LCK: variants seen among roughly 807,000 people sequenced by gnomAD.
The protein encoded by LCK is tyrosine-protein kinase Lck.
LCK carries 14 observed loss-of-function variants against 64.6 expected under a neutral mutation model. The observed-to-expected ratio is 0.22, with a 90% confidence interval of 0.14 to 0.34. The LOEUF is 0.34. LCK is among the 10% of genes least tolerant of loss of function. The probability of loss-of-function intolerance (pLI) is 1.00; values close to 1 mark genes in which losing one functional copy is unlikely to be tolerated. For synonymous variants in LCK, 277 were observed against 263.6 expected, an observed-to-expected ratio of 1.05 and a Z score of -0.49; for missense variants, 434 against 668.1, an observed-to-expected ratio of 0.65 and a Z score of 3.86.
In LCK at chr1:32,275,548, G is replaced by T. The variant is rs1240902062; in HGVS notation, c.378-21G>T. 2 of 1,561,004 alleles carry T rather than the reference G, an allele frequency of 1.3e-6. No individual in the cohort carries two copies. Among genetic ancestry groups the T allele is most frequent in the East Asian group, 2.4e-5 (1 of 41,886 alleles). ...GATCCGACGACAGCCGACGGCCTTC[G>T]TTCGCTTCCGCCCTGCACAGCTGGT... On this transcript the variant is annotated intron_variant, in intron 5 of 12. Transcript: ENST00000336890. This position sits in a 1 kb window ranked among gnomAD's most constrained non-coding sequence, Gnocchi z 6.9.
chr1:32,278,833 A>G (rs1430225706), intron 9 of LCK, among the ~76,000 whole-genome samples: 1 of 152,132 alleles, frequency 6.6e-6, no homozygotes, highest in South Asian at 2.1e-4. Context: ...TCAGCACTCA[A>G]AGTGGGGACA....
At chr1:32,284,779 C>T (rs888732311) in intron 12 of LCK, among the ~76,000 whole-genome samples, 28 of 152,170 alleles carry the variant, frequency 1.8e-4, no homozygotes, top group South Asian at 1.4e-3. Context: ...AAACTGGGCT[C>T]GCCCAAGGTT....
At chr1:32,256,875 G>A (rs568714579) in intron 1 of LCK, among the ~76,000 whole-genome samples, 11 of 152,128 alleles carry the variant, frequency 7.2e-5, no homozygotes, top group Non-Finnish European at 1.3e-4. Flanking sequence ...TTTAGTGTGC[G>A]CTGTTGTTTC....
intron 1 of LCK, among the ~76,000 whole-genome samples, chr1:32,261,309 G>A (rs902745413): frequency 5.5e-5 from 8 of 146,554 alleles, no homozygotes; most frequent in East Asian, 4.0e-4. Flanking sequence ...GTGCAGTGGC[G>A]TGATGTCCAC....
chr1:32,268,151 G>A (rs923993764), intron 1 of LCK, among the ~76,000 whole-genome samples: 7 of 148,616 alleles, frequency 4.7e-5, no homozygotes, highest in African/African-American at 7.5e-5. Context: ...CTGAGATCGC[G>A]CCACTGCACT....
chr1:32,279,466 C>A, intron 9 of LCK: 1 of 812,090 alleles, frequency 1.2e-6, no homozygotes, highest in Non-Finnish European at 1.9e-6. Context: ...CAGATCCCTC[C>A]CAGCATGCTC....
At chr1:32,271,635 G>T (rs1387153230) in intron 1 of LCK, among the ~76,000 whole-genome samples, 2 of 152,220 alleles carry the variant, frequency 1.3e-5, no homozygotes, top group Non-Finnish European at 2.9e-5. Context: ...TTGCACTGCA[G>T]TCTGGGCAAG....
chr1:32,284,079 T>A (rs1254523782), intron 12 of LCK, among the ~76,000 whole-genome samples: 1 of 151,604 alleles, frequency 6.6e-6, no homozygotes. Context: ...GACAGGTTTT[T>A]ACTATGTTGA....
At chr1:32,283,086 G>A (rs1431056142) in intron 12 of LCK, among the ~76,000 whole-genome samples, 2 of 151,484 alleles carry the variant, frequency 1.3e-5, no homozygotes, top group Admixed American at 6.6e-5. Flanking sequence ...GTCAGGAGGT[G>A]GAGACCAGCC....
At chr1:32,254,335 A>C (rs577622001) in intron 1 of LCK, among the ~76,000 whole-genome samples, 1 of 152,250 alleles carries the variant, frequency 6.6e-6, no homozygotes, top group African/African-American at 2.4e-5. Context: ...CCTGGCCATC[A>C]TGGTGAATCC....
At chr1:32,263,260 T>G (rs1239629924) in intron 1 of LCK, among the ~76,000 whole-genome samples, 1 of 151,368 alleles carries the variant, frequency 6.6e-6, no homozygotes, top group Non-Finnish European at 1.5e-5. Flanking sequence ...GGCATGGTGG[T>G]GCATGCCTGT....
chr1:32,275,734 G>A lies in LCK; in HGVS notation c.481+62G>A. 2 of 1,452,070 alleles carry A rather than the reference G, an allele frequency of 1.4e-6. No homozygotes were observed. The highest frequency in any genetic ancestry group is 1.2e-5 in the South Asian group (1 of 81,638). 89.9% of individuals were successfully genotyped at this position (1,452,070 alleles called of 1,614,324 possible). ...CCCCGGGGTGTGCCCGAGGGGGGGC[G>A]CAGGGTGAGCCCGAGGTGGAGACAC... On this transcript the variant is annotated intron_variant, in intron 6 of 12. Transcript: ENST00000336890. The surrounding 1 kb of genome is among the most constrained non-coding windows in gnomAD (Gnocchi z 6.9).
chr1:32,279,951 C>T lies in LCK; in HGVS notation c.1152C>T (p.Gly384=), dbSNP rs749536998. 1.2e-6 allele frequency: 2 copies of T among 1,614,146 alleles called. No individual in the cohort carries two copies. Among genetic ancestry groups the T allele is most frequent in the South Asian group, 2.2e-5 (2 of 91,078 alleles). Residue 384 remains glycine (G), a synonymous_variant, in exon 11 of 13, where the codon GGC becomes GGT. Coordinates refer to ENST00000336890, the MANE Select transcript of LCK (RefSeq NM_005356.5). ...TGAGCTGCAAGATTGCAGACTTTGG[C>T]CTAGCACGCCTCATTGAGGACAACG... ...DTLSCKIADF[G]LARLIEDNEY...
At position 32,275,899 on chromosome 1, in the gene LCK, C is replaced by T; in HGVS notation, c.482-15C>T. On this transcript the variant is annotated splice_polypyrimidine_tract_variant and intron_variant, in intron 6 of 12. Transcript: ENST00000336890. This position sits in a 1 kb window ranked among gnomAD's most constrained non-coding sequence, Gnocchi z 6.9. ...GCGTTCTTTCGTCGCTTTGTCCATC[C>T]ATTCATTCATTCAGGATCGTTTTCA... The T allele has an allele frequency of 6.2e-7, 1 of 1,613,764 alleles. No homozygotes were observed. Among genetic ancestry groups the T allele is most frequent in the Non-Finnish European group, 8.5e-7 (1 of 1,179,734 alleles).
rs1640201382 is a variant in LCK, at chr1:32,274,724, C to T, written c.106-13C>T. The T allele has an allele frequency of 6.4e-7, 1 of 1,562,400 alleles. No homozygotes were observed. The highest frequency in any genetic ancestry group is 1.8e-5 in the Admixed American group (1 of 55,780). ...TCTGCTTTCTGACCCCACCCTCATC[C>T]CCCACTCCACAGCTGCTCATCCGAA... On this transcript the variant is annotated splice_polypyrimidine_tract_variant and intron_variant, in intron 2 of 12. Coordinates refer to ENST00000336890, the MANE Select transcript of LCK (RefSeq NM_005356.5).
chr1:32,265,068 G>A (rs60987792), intron 1 of LCK, among the ~76,000 whole-genome samples: 5,952 of 152,148 alleles, frequency 0.039, 171 homozygotes, highest in Middle Eastern at 0.088. Context: ...TTAGCTGGGC[G>A]TGGCGGCACG....
chr1:32,265,416 C>T (rs146374979), intron 1 of LCK, among the ~76,000 whole-genome samples: 7 of 152,322 alleles, frequency 4.6e-5, no homozygotes, highest in Non-Finnish European at 1.0e-4. Context: ...ATCCTATGGA[C>T]TTACGATTGC....
chr1:32,255,729 CTCTG>C (rs1177397352), intron 1 of LCK, among the ~76,000 whole-genome samples: 4 of 151,952 alleles, frequency 2.6e-5, no homozygotes, highest in African/African-American at 9.7e-5. Flanking sequence ...ATGGGACGCT[CTCTG>C]TCTGCTTACT....
chr1:32,270,471 T>A (rs1640048315), intron 1 of LCK, among the ~76,000 whole-genome samples: 1 of 151,802 alleles, frequency 6.6e-6, no homozygotes, highest in Admixed American at 6.6e-5. Context: ...CTCGGCTCAC[T>A]GCAACCTCTG....
Sources: gnomAD v4.1 joint callset for allele counts (sites outside exome capture counted in the v4.1 genomes callset) on GRCh38, gnomAD v4.1.1 for gene constraint, Gnocchi (gnomAD v3.1) non-coding constraint, MANE v1.5 for transcripts, NCBI Gene and HGNC (gene_info 2026-07-23, HGNC 2026-07-21) for gene names.